The following KCP variants were observed in gnomAD, a reference collection of about 807,000 sequenced individuals.
KCP encodes the protein kielin/chordin-like protein.
KCP carries 194 observed loss-of-function variants against 212.7 expected under a neutral mutation model. That is an observed-to-expected ratio of 0.91 (90% CI 0.81 to 1.03). KCP has a LOEUF of 1.03. KCP is among the 50% of genes least tolerant of loss of function. KCP has a pLI of 0.00. For missense variants in KCP, 2,080 were observed against 2,162.5 expected (o/e 0.96, Z 0.76); for synonymous variants, 833 against 865.3 (o/e 0.96, Z 0.65).
At chr7:128,893,697 G>A (rs1240761380) in intron 11 of KCP, 109 bp downstream of exon 11, 1 of 1,238,662 alleles carries the variant, frequency 8.1e-7, no homozygotes, top group Non-Finnish European at 1.1e-6. Context: ...GACTCACTTT[G>A]GGAACAGGGT....
At position 128,877,193 on chromosome 7, in the gene KCP, G is replaced by C; in HGVS notation, c.4737C>G (p.Pro1579=). Residue 1579 remains proline (P), a synonymous_variant, in exon 40 of 40, where the codon CCC becomes CCG. Coordinates refer to ENST00000610776, the MANE Select transcript of KCP (RefSeq NM_001366122.1). ...LGELAAHCVR[P]CVPGCQCPAG... is the part of the protein sequence containing the mutation. ...CAGGGCACTGGCAGCCGGGCACGCA[G>C]GGCCTCACGCAGTGGGCTGCCAGCT... 6.7e-7 allele frequency: 1 copy of C among 1,485,246 alleles called. No homozygotes were observed. The allele number at this position is 1,485,246 out of a possible 1,614,324, so 92.0% of individuals were successfully genotyped here.
chr7:128,889,185 G>C, intron 21 of KCP, 146 bp from the exon 22 acceptor site: 1 of 469,838 alleles, frequency 2.1e-6, no homozygotes. Context: ...CCAAGCCCAG[G>C]GGGCAAAGCA....
At position 128,903,710 on chromosome 7, in the gene KCP, G is replaced by C; in HGVS notation, c.748+17C>G. On this transcript the variant is annotated intron_variant, in intron 7 of 39. Transcript: ENST00000610776. ...ACCTACCTGTGGCTCTACCAGGGAG[G>C]GGCCAGGGGCTCTCACCTTGGCAGG... The C allele has an allele frequency of 6.5e-7, 1 of 1,528,980 alleles. No homozygotes were observed. The highest frequency in any genetic ancestry group is 1.4e-5 in the African/African-American group (1 of 72,358). 94.7% of individuals were successfully genotyped at this position (1,528,980 alleles called of 1,614,324 possible). A position where few individuals can be genotyped will look rare whatever the true frequency, so the allele number is the denominator to read the frequency against.
At chr7:128,910,514 C>T (rs754410831) in intron 1 of KCP, 87 bp downstream of exon 1, 8 of 1,230,746 alleles carry the variant, frequency 6.5e-6, no homozygotes, top group South Asian at 1.5e-5. Flanking sequence ...GCAGAGCCCC[C>T]AGCCCCTCTC....
rs771528845 is a variant in KCP at position 128,894,275 on chromosome 7, G to A, written c.850C>T (p.Arg284Cys). The A allele has an allele frequency of 2.7e-5, 42 of 1,542,852 alleles. No homozygotes were observed. Among genetic ancestry groups the A allele is most frequent in the South Asian group, 1.8e-4 (15 of 82,904 alleles). The change falls in exon 9 of 40, where the codon CGC (arginine) becomes TGC (cysteine). Residue 284 changes from arginine to cysteine, a missense_variant. Physicochemically the swap from Arg to Cys is radical, Grantham distance 180 (BLOSUM62 -3). Coordinates refer to ENST00000610776, the MANE Select transcript of KCP (RefSeq NM_001366122.1). Reference protein sequence around the residue: ...CRCLEGHIQCRQRECASLCPY... With the variant: ...CRCLEGHIQCCQRECASLCPY... ...CACAGGCTGGCACATTCTCGCTGGC[G>A]GCACTGGATGTGACCCTCCTGGTGG...
chr7:128,908,251 G>GAAGAAATAAAGA, intron 2 of KCP, among the ~76,000 whole-genome samples, 175 bp downstream of exon 2: 1 of 101,276 alleles, frequency 9.9e-6, no homozygotes, highest in South Asian at 4.1e-4. Flanking sequence ...AAGAAAGAAA[G>GAAGAAATAAAGA]AAGAAAGAAA....
rs539985989 is a variant in KCP, at chr7:128,892,715, G to C, written c.1500C>G (p.Asp500Glu). The change falls in exon 15 of 40, where the codon GAC becomes GAG. Residue 500 changes from aspartate (D) to glutamate (E), a missense_variant. Physicochemically the swap from Asp to Glu is conservative, Grantham distance 45. Coordinates refer to ENST00000610776, the MANE Select transcript of KCP (RefSeq NM_001366122.1). ...YANGQNFTDA[D>E]SPCHACHCQD... ...GACAGTGGCAGGCATGGCAAGGGCT[G>C]TCTGCATCCGTGAAGTTCTGCCCAT... is the stretch of plus-strand genomic sequence containing the variant. 1 of 1,551,678 alleles carries C rather than the reference G, an allele frequency of 6.4e-7. No homozygotes were observed. Among genetic ancestry groups the C allele is most frequent in the East Asian group, 2.4e-5 (1 of 40,924 alleles).
chr7:128,905,540 C>T (rs1399746838), intron 5 of KCP, among the ~76,000 whole-genome samples: 2 of 152,194 alleles, frequency 1.3e-5, no homozygotes, highest in East Asian at 1.9e-4. Flanking sequence ...CCCCTTTCTC[C>T]AGCCCACTGC....
chr7:128,886,640 C>T lies in KCP; in HGVS notation c.2772+15G>A, dbSNP rs754561590. 5.4e-5 allele frequency: 84 copies of T among 1,551,322 alleles called. No homozygotes were observed. The highest frequency in any genetic ancestry group is 7.2e-5 in the Non-Finnish European group (83 of 1,146,876). On this transcript the variant is annotated intron_variant, in intron 25 of 39. Transcript: ENST00000610776. Reference sequence around the variant, plus strand: ...GGTCCAGCTGTCACTCCACACCCCCCACCTCCTGCTATACCTGACAGCGAC... The same window carrying T: ...GGTCCAGCTGTCACTCCACACCCCCTACCTCCTGCTATACCTGACAGCGAC...
chr7:128,890,545 G>A, intron 20 of KCP, 32 bp from the exon 21 acceptor site: 5 of 1,524,698 alleles, frequency 3.3e-6, no homozygotes, highest in Non-Finnish European at 4.4e-6. Flanking sequence ...GGGGGGCCGT[G>A]GGGACTAGAG....
chr7:128,886,826 G>A (rs1464262949), intron 24 of KCP, 50 bp downstream of exon 24: 2 of 1,396,042 alleles, frequency 1.4e-6, no homozygotes, highest in South Asian at 1.2e-5. Flanking sequence ...GGAAGGGGGA[G>A]GGAGAGGCGG....
chr7:128,908,174 T>TGGAA (rs1159252539), intron 2 of KCP, among the ~76,000 whole-genome samples: 7 of 60,330 alleles, frequency 1.2e-4, no homozygotes, highest in East Asian at 3.9e-4. Flanking sequence ...AGAAGAAGGA[T>TGGAA]GGAAGGAAGG....
chr7:128,878,294 G>A (rs1320066868), intron 38 of KCP, among the ~76,000 whole-genome samples: 1 of 152,034 alleles, frequency 6.6e-6, no homozygotes, highest in African/African-American at 2.4e-5. Flanking sequence ...CCAACCTCAG[G>A]TGATCCACCC....
intron 8 of KCP, among the ~76,000 whole-genome samples, chr7:128,896,180 C>T (rs992445328): frequency 1.3e-5 from 2 of 152,070 alleles, no homozygotes; most frequent in African/African-American, 4.8e-5. Context: ...CTGAAGAAAC[C>T]CCCCGACCAG....
At chr7:128,898,637 G>T (rs1239698211) in intron 8 of KCP, among the ~76,000 whole-genome samples, 2 of 152,230 alleles carry the variant, frequency 1.3e-5, no homozygotes, top group Non-Finnish European at 2.9e-5. Context: ...AAGAAAAGTA[G>T]AATGTGCTTT....
At chr7:128,884,162 A>G in intron 28 of KCP, 40 bp from the exon 29 acceptor site, 3 of 1,512,624 alleles carry the variant, frequency 2.0e-6, no homozygotes, top group Non-Finnish European at 2.6e-6. Context: ...CTGGGCCACA[A>G]AAACCCAGAG....
At chr7:128,887,119 G>A in intron 23 of KCP, 96 bp downstream of exon 23, 1 of 1,181,544 alleles carries the variant, frequency 8.5e-7, no homozygotes. Context: ...GCAGAGTGTA[G>A]CCCTTGCCAC....
chr7:128,882,164 G>A, intron 29 of KCP, 148 bp from the exon 30 acceptor site: 1 of 612,402 alleles, frequency 1.6e-6, no homozygotes, highest in South Asian at 2.0e-5. Flanking sequence ...GGGAGGATAA[G>A]TCCTCTTTCT....
chr7:128,886,367 G>T, intron 26 of KCP, 97 bp downstream of exon 26: 1 of 1,018,580 alleles, frequency 9.8e-7, no homozygotes, highest in Non-Finnish European at 1.4e-6. Context: ...GGGCAGGGAG[G>T]TGGGAGAAGA....
Sources: allele counts gnomAD v4.1 joint callset (sites outside exome capture counted in the v4.1 genomes callset), GRCh38; gene constraint gnomAD v4.1.1; transcripts MANE v1.5; gene names NCBI Gene and HGNC (gene_info 2026-07-23, HGNC 2026-07-21).